Variants in NR1H4 observed in about 807,000 individuals in gnomAD.
NR1H4 encodes bile acid receptor.
NR1H4 carries 23 observed loss-of-function variants against 58.5 expected under a neutral mutation model. That is an observed-to-expected ratio of 0.39 (90% CI 0.28 to 0.56). The LOEUF is 0.56. NR1H4 is among the 20% of genes least tolerant of loss of function. The pLI is 0.58. For synonymous variants in NR1H4, 214 were observed against 198.0 expected (o/e 1.08, Z -0.68); for missense variants, 487 against 576.9 (o/e 0.84, Z 1.60).
intron 9 of NR1H4, among the ~76,000 whole-genome samples, chr12:100,553,334 A>G (rs1402949423): frequency 1.3e-5 from 2 of 152,038 alleles, no homozygotes; most frequent in Non-Finnish European, 2.9e-5. Flanking sequence ...GGTATTTCAC[A>G]CTCCAGTGAG....
At position 100,534,936 on chromosome 12, in the gene NR1H4, T is replaced by A. The variant is rs563691412; in HGVS notation, c.645T>A (p.Asn215Lys). Reference protein sequence around the residue: ...IQCKSKRLRKNVKQHADQTVN... With the variant: ...IQCKSKRLRKKVKQHADQTVN... ...GTAAATCTAAGCGACTGAGAAAAAA[T>A]GTGAAGCAGCATGCAGATCAGACCG... is the stretch of plus-strand genomic sequence containing the variant. The change falls in exon 6 of 11, where the codon AAT becomes AAA. Residue 215 changes from asparagine (N) to lysine (K), a missense_variant. Transcript: ENST00000392986. 6 of 1,614,020 alleles carry A rather than the reference T, an allele frequency of 3.7e-6. No individual in the cohort carries two copies. The highest frequency in any genetic ancestry group is 5.1e-6 in the Non-Finnish European group (6 of 1,180,028).
intron 1 of NR1H4, among the ~76,000 whole-genome samples, chr12:100,484,004 AAG>A (rs1953438719): frequency 6.6e-6 from 1 of 151,162 alleles, no homozygotes; most frequent in African/African-American, 2.5e-5. Context: ...AAAAAAAAAA[AAG>A]AATGTATTTC....
At chr12:100,515,193 CAG>C in intron 4 of NR1H4, among the ~76,000 whole-genome samples, 1 of 116,652 alleles carries the variant, frequency 8.6e-6, no homozygotes. Context: ...TTTTTTGAGA[CAG>C]AGTCTTGCTC....
At chr12:100,561,452 G>A (rs974572892) in intron 9 of NR1H4, among the ~76,000 whole-genome samples, 7 of 152,072 alleles carry the variant, frequency 4.6e-5, no homozygotes, top group African/African-American at 1.4e-4. Context: ...TAGAAATGAA[G>A]CTGTCTATAC....
intron 3 of NR1H4, 60 bp from the exon 4 acceptor site, chr12:100,510,718 T>G: frequency 6.2e-7 from 1 of 1,602,976 alleles, no homozygotes; most frequent in South Asian, 1.1e-5. Flanking sequence ...TACGCCAAAC[T>G]GCCTCTCTAA....
intron 6 of NR1H4, among the ~76,000 whole-genome samples, chr12:100,535,247 C>T (rs1267818483): frequency 6.6e-6 from 1 of 152,202 alleles, no homozygotes; most frequent in Non-Finnish European, 1.5e-5. Context: ...GACTCCATTC[C>T]AGTCCTACTA....
chr12:100,490,941 G>A (rs1654933328), intron 1 of NR1H4, among the ~76,000 whole-genome samples: 1 of 152,156 alleles, frequency 6.6e-6, no homozygotes, highest in Non-Finnish European at 1.5e-5. Flanking sequence ...GACTACAGGT[G>A]TGCATCACCA....
rs1437455022 is a variant in NR1H4, at chr12:100,561,959, G to A, written c.1153G>A (p.Glu385Lys). ...SIGELKMTQE[E>K]YALLTAIVIL... ...TGGGGAACTGAAAATGACTCAAGAGGAGTATGCTCTGCTTACAGCAATTGT... is the reference window on the plus strand; with the variant it reads ...TGGGGAACTGAAAATGACTCAAGAGAAGTATGCTCTGCTTACAGCAATTGT... Residue 385 changes from glutamate to lysine, a missense_variant, in exon 10 of 11, where the codon GAG becomes AAG. Physicochemically the swap from Glu to Lys is moderately conservative, Grantham distance 56. Transcript: ENST00000392986. 6.4e-7 allele frequency: 1 copy of A among 1,568,740 alleles called. No homozygotes were observed. The highest frequency in any genetic ancestry group is 8.8e-7 in the Non-Finnish European group (1 of 1,139,136).
chr12:100,552,801 C>T (rs931422530), intron 9 of NR1H4, among the ~76,000 whole-genome samples: 1 of 152,026 alleles, frequency 6.6e-6, no homozygotes, highest in African/African-American at 2.4e-5. Context: ...TACCTGTAGT[C>T]CTAGCCACTC....
At chr12:100,547,807 G>A (rs1007691574) in intron 9 of NR1H4, among the ~76,000 whole-genome samples, 3 of 151,532 alleles carry the variant, frequency 2.0e-5, no homozygotes, top group African/African-American at 2.4e-5. Flanking sequence ...TGCAACCTCC[G>A]CCTCCTGGGT....
chr12:100,499,661 C>T (rs1953790335), intron 3 of NR1H4, among the ~76,000 whole-genome samples: 1 of 152,164 alleles, frequency 6.6e-6, no homozygotes, highest in Non-Finnish European at 1.5e-5. Flanking sequence ...CCTTAGCTCT[C>T]AACCCTGCAG....
rs1395828484 is a variant in NR1H4 at position 100,510,845 on chromosome 12, C to T, written c.147C>T (p.Tyr49=). ...TGGAAGTGGAACCATACTCGCAATA[C>T]AGCAATGTTCAGTTTCCCCAAGTTC... ...QNLEVEPYSQ[Y]SNVQFPQVQP... Residue 49 remains tyrosine, a synonymous_variant, in exon 4 of 11, where the codon TAC becomes TAT. Coordinates refer to ENST00000392986, the MANE Select transcript of NR1H4 (RefSeq NM_001206979.2). 44 of 1,614,134 alleles carry T rather than the reference C, an allele frequency of 2.7e-5. No individual in the cohort carries two copies. The highest frequency in any genetic ancestry group is 3.6e-5 in the Non-Finnish European group (43 of 1,180,016).
intron 4 of NR1H4, among the ~76,000 whole-genome samples, chr12:100,516,802 T>C (rs1280527010): frequency 6.6e-6 from 1 of 152,220 alleles, no homozygotes; most frequent in Non-Finnish European, 1.5e-5. Flanking sequence ...AGCTAAGATA[T>C]AGAGATGCCA....
At chr12:100,536,254 T>A (rs1954809265) in intron 6 of NR1H4, among the ~76,000 whole-genome samples, 1 of 152,222 alleles carries the variant, frequency 6.6e-6, no homozygotes, top group African/African-American at 2.4e-5. Flanking sequence ...GACTACCATT[T>A]ATTCCTAAGA....
At position 100,536,600 on chromosome 12, in the gene NR1H4, C is replaced by T. The variant is rs1954820335; in HGVS notation, c.821C>T (p.Thr274Ile). Residue 274 changes from threonine to isoleucine, a missense_variant, in exon 7 of 11, where the codon ACA becomes ATA. Transcript: ENST00000392986. ...YNKQRMPQEI[T>I]NKILKEEFSA... ...AAACAGAGGATGCCTCAGGAAATAA[C>T]AAATAAAATTGTATGTATAATATCT... 6.5e-7 allele frequency: 1 copy of T among 1,528,078 alleles called. No homozygotes were observed. Among genetic ancestry groups the T allele is most frequent in the Non-Finnish European group, 9.1e-7 (1 of 1,101,890 alleles). 94.7% of individuals were successfully genotyped at this position (1,528,078 alleles called of 1,614,324 possible). A position where few individuals can be genotyped will look rare whatever the true frequency, so the allele number is the denominator to read the frequency against.
At chr12:100,553,271 T>A (rs925878632) in intron 9 of NR1H4, among the ~76,000 whole-genome samples, 5 of 152,198 alleles carry the variant, frequency 3.3e-5, no homozygotes, top group Non-Finnish European at 7.3e-5. Flanking sequence ...GTGCTGGGAT[T>A]ACAGGTGTGA....
intron 9 of NR1H4, among the ~76,000 whole-genome samples, chr12:100,547,257 CT>C (rs1955092599): frequency 6.6e-6 from 1 of 152,116 alleles, no homozygotes; most frequent in Non-Finnish European, 1.5e-5. Flanking sequence ...ACTCCCCGAG[CT>C]TAGTCAATAT....
At chr12:100,561,416 A>G (rs1955471237) in intron 9 of NR1H4, among the ~76,000 whole-genome samples, 2 of 151,968 alleles carry the variant, frequency 1.3e-5, no homozygotes, top group African/African-American at 4.8e-5. Flanking sequence ...TAAAATAAAT[A>G]AATAAATAAA....
intron 9 of NR1H4, among the ~76,000 whole-genome samples, chr12:100,557,909 C>T (rs1184710176): frequency 6.6e-6 from 1 of 152,206 alleles, no homozygotes; most frequent in Non-Finnish European, 1.5e-5. Flanking sequence ...ACATCCTCAT[C>T]TCAATTAATC....
Sources: allele counts gnomAD v4.1 joint callset (sites outside exome capture counted in the v4.1 genomes callset), GRCh38; gene constraint gnomAD v4.1.1; transcripts MANE v1.5; gene names NCBI Gene and HGNC (gene_info 2026-07-23, HGNC 2026-07-21).